The following NTM variants were observed in gnomAD, a reference collection of about 807,000 sequenced individuals.
NTM encodes the protein IgLON family member 2.
In NTM, 13 loss-of-function variants were observed where a neutral mutation model predicts 42.1. That is an observed-to-expected ratio of 0.31 (90% CI 0.20 to 0.49). The LOEUF (loss-of-function observed/expected upper bound fraction) is 0.49, where lower values mean the gene tolerates loss of function less well. Ranked by LOEUF, NTM falls within the 20% of genes least tolerant of loss-of-function variation. The pLI is 0.99. For missense variants in NTM, 373 were observed against 452.8 expected, an observed-to-expected ratio of 0.82 and a Z score of 1.60; for synonymous variants, 187 against 179.2, an observed-to-expected ratio of 1.04 and a Z score of -0.35.
rs538022266 is a variant in NTM, at chr11:132,319,466, A to G, written c.934+4763A>G. Among the ~76,000 whole-genome samples the G allele has an allele frequency of 9.2e-5, 14 of 152,252 alleles. No individual in the cohort carries two copies. The South Asian group carries it at 2.9e-3, about 32-fold the overall frequency. Reference sequence around the variant, plus strand: ...GGCTTAAAAAACGGCACACCAAGAGATTATATCCCACACCTGGCTTGGAGG... The same window carrying G: ...GGCTTAAAAAACGGCACACCAAGAGGTTATATCCCACACCTGGCTTGGAGG... On this transcript the variant is annotated intron_variant, in intron 7 of 8. Coordinates refer to ENST00000683400, the MANE Select transcript of NTM (RefSeq NM_001352005.2).
chr11:132,129,800 G>T (rs1220364979), intron 2 of NTM, among the ~76,000 whole-genome samples: 1 of 152,172 alleles, frequency 6.6e-6, no homozygotes, highest in Admixed American at 6.5e-5. Context: ...GGTACCAAAT[G>T]GATACAGCCT....
At chr11:132,278,070 G>A (rs111328363) in intron 4 of NTM, among the ~76,000 whole-genome samples, 14 of 152,232 alleles carry the variant, frequency 9.2e-5, no homozygotes, top group South Asian at 8.3e-4. Context: ...CATCAACATC[G>A]GCCTTCTGGT....
At chr11:131,565,147 CTG>C (rs1488957600) in intron 1 of NTM, among the ~76,000 whole-genome samples, 1 of 152,154 alleles carries the variant, frequency 6.6e-6, no homozygotes, top group Non-Finnish European at 1.5e-5. Context: ...CACCCCAACA[CTG>C]TCCCCTGTGA....
intron 1 of NTM, among the ~76,000 whole-genome samples, chr11:131,704,110 C>G (rs2076343423): frequency 1.3e-5 from 2 of 152,304 alleles, no homozygotes; most frequent in African/African-American, 2.4e-5. Context: ...GACTTAGGAT[C>G]CCTGAGGACT....
At chr11:131,953,756 T>A (rs2061275595) in intron 2 of NTM, among the ~76,000 whole-genome samples, 1 of 150,788 alleles carries the variant, frequency 6.6e-6, no homozygotes, top group South Asian at 2.1e-4. Context: ...GTAAAGAGAG[T>A]GAGGGAAAAA....
At chr11:131,654,519 A>C (rs2739284) in intron 1 of NTM, among the ~76,000 whole-genome samples, 114,083 of 151,892 alleles carry the variant, frequency 0.75, 44,590 homozygotes, top group East Asian at 0.9. Context: ...CAGTGTCATC[A>C]CCCAGTCATA....
intron 1 of NTM, among the ~76,000 whole-genome samples, chr11:131,574,407 C>T (rs1261493125): frequency 6.6e-6 from 1 of 152,134 alleles, no homozygotes; most frequent in Non-Finnish European, 1.5e-5. Context: ...CTCTATTTTA[C>T]AGAGGCATAA....
At chr11:132,036,918 G>A (rs149445531) in intron 2 of NTM, among the ~76,000 whole-genome samples, 346 of 152,286 alleles carry the variant, frequency 2.3e-3, no homozygotes, top group African/African-American at 7.8e-3. Context: ...GGTGCTGTGG[G>A]TGGTATCCTG....
At chr11:132,194,009 G>A (rs1000166278) in intron 3 of NTM, among the ~76,000 whole-genome samples, 2 of 151,972 alleles carry the variant, frequency 1.3e-5, no homozygotes, top group African/African-American at 4.8e-5. Context: ...AGGACCAGAT[G>A]GATTCACAGT....
chr11:131,676,483 G>T (rs2071418387), intron 1 of NTM, among the ~76,000 whole-genome samples: 1 of 152,286 alleles, frequency 6.6e-6, no homozygotes, highest in African/African-American at 2.4e-5. Flanking sequence ...GTGTGCGGGG[G>T]TATGCCTGTG....
At chr11:131,905,937 A>G (rs1248080057) in intron 1 of NTM, among the ~76,000 whole-genome samples, 1 of 152,196 alleles carries the variant, frequency 6.6e-6, no homozygotes, top group African/African-American at 2.4e-5. Flanking sequence ...CAGGCTAGGC[A>G]GACCTCAGCT....
intron 1 of NTM, among the ~76,000 whole-genome samples, chr11:131,467,575 C>T (rs1952013517): frequency 6.6e-6 from 1 of 152,194 alleles, no homozygotes; most frequent in African/African-American, 2.4e-5. Context: ...TATGTATCTG[C>T]TTATGTTCAC....
chr11:132,242,246 C>T (rs1032491134), intron 4 of NTM, among the ~76,000 whole-genome samples: 16 of 152,242 alleles, frequency 1.1e-4, no homozygotes, highest in South Asian at 4.2e-4. Context: ...TTTCTTTATC[C>T]GCTCTCCAGA....
intron 1 of NTM, among the ~76,000 whole-genome samples, chr11:131,469,186 G>A (rs2136165738): frequency 6.6e-6 from 1 of 152,276 alleles, no homozygotes; most frequent in African/African-American, 2.4e-5. Context: ...CACTGCCACT[G>A]TGAGGCCACC....
intron 4 of NTM, among the ~76,000 whole-genome samples, chr11:132,229,076 A>G (rs2086906164): frequency 6.6e-6 from 1 of 152,182 alleles, no homozygotes; most frequent in African/African-American, 2.4e-5. Flanking sequence ...AATAACTGAA[A>G]GAGGGATCAT....
At chr11:132,046,515 GA>G (rs1481146159) in intron 2 of NTM, among the ~76,000 whole-genome samples, 1 of 152,132 alleles carries the variant, frequency 6.6e-6, no homozygotes, top group Non-Finnish European at 1.5e-5. Flanking sequence ...ATGACCTAAT[GA>G]TTAATGGCTT....
chr11:132,226,521 T>C (rs2138958683), intron 4 of NTM, among the ~76,000 whole-genome samples: 1 of 152,366 alleles, frequency 6.6e-6, no homozygotes, highest in Non-Finnish European at 1.5e-5. Flanking sequence ...TTGAGAAGTG[T>C]CTGTTCATAT....
At chr11:132,147,609 A>C (rs1208947509) in intron 3 of NTM, among the ~76,000 whole-genome samples, 1 of 152,000 alleles carries the variant, frequency 6.6e-6, no homozygotes, top group Non-Finnish European at 1.5e-5. Context: ...CATCTTTTAC[A>C]GTGGGTCAAA....
At chr11:132,138,621 T>TCTA (rs746734821) in intron 2 of NTM, among the ~76,000 whole-genome samples, 2 of 148,216 alleles carry the variant, frequency 1.3e-5, no homozygotes, top group Non-Finnish European at 3.0e-5. Flanking sequence ...TATCTATCTA[T>TCTA]TCTAATCTAT....
Sources: gnomAD v4.1 joint callset for allele counts (sites outside exome capture counted in the v4.1 genomes callset) on GRCh38, gnomAD v4.1.1 for gene constraint, MANE v1.5 for transcripts, NCBI Gene and HGNC (gene_info 2026-07-23, HGNC 2026-07-21) for gene names.